Variants in SH3PXD2B observed in about 807,000 individuals in gnomAD.
SH3PXD2B encodes SH3 and PX domain-containing protein 2B.
A neutral mutation model predicts 73.1 loss-of-function variants in SH3PXD2B; 37 were observed. The observed-to-expected ratio is 0.51, with a 90% CI of 0.39 to 0.67. The LOEUF (loss-of-function observed/expected upper bound fraction) is 0.67, where lower values mean the gene tolerates loss of function less well. Among genes scored for constraint, SH3PXD2B ranks in the 30% least tolerant of loss-of-function variants. The pLI, the probability that SH3PXD2B is intolerant of heterozygous loss-of-function variation, is 0.00. For missense variants in SH3PXD2B, 1,053 were observed against 1,197.8 expected (o/e 0.88, Z 1.78); for synonymous variants, 457 against 480.5 (o/e 0.95, Z 0.64).
At chr5:172,325,735 A>G (rs916419918) in intron 12 of SH3PXD2B, among the ~76,000 whole-genome samples, 11 of 152,162 alleles carry the variant, frequency 7.2e-5, no homozygotes, top group Non-Finnish European at 1.3e-4. Context: ...CTCCTGGCCT[A>G]GTCACTGCTT....
intron 4 of SH3PXD2B, 97 bp from the exon 5 acceptor site, chr5:172,382,224 G>A: frequency 9.7e-7 from 1 of 1,025,768 alleles, no homozygotes; most frequent in Non-Finnish European, 1.4e-6. Flanking sequence ...GCTGAGGCAA[G>A]ATAATTGTTT....
rs1377873729 is a variant in SH3PXD2B, at chr5:172,335,789, TG to T, written c.*2579del. Reference sequence around the variant, plus strand: ...TGGCCACCCTGACCCACCCACTGCCTGGGGAAGTGTCTACCATTGTAGGAAA... The same window carrying T: ...TGGCCACCCTGACCCACCCACTGCCTGGGAAGTGTCTACCATTGTAGGAAA... On this transcript the variant is annotated 3_prime_UTR_variant, in exon 13 of 13. Coordinates refer to ENST00000311601, the MANE Select transcript of SH3PXD2B (RefSeq NM_001017995.3). 2 of 1,230,138 alleles carry T rather than the reference TG, an allele frequency of 1.6e-6. No homozygotes were observed. The highest frequency in any genetic ancestry group is 4.2e-5 in the Admixed American group (1 of 23,668). 76.2% of individuals were successfully genotyped at this position (1,230,138 alleles called of 1,614,324 possible). A position where few individuals can be genotyped will look rare whatever the true frequency, so the allele number is the denominator to read the frequency against.
At chr5:172,413,174 T>A (rs977426665) in intron 2 of SH3PXD2B, among the ~76,000 whole-genome samples, 19 of 152,250 alleles carry the variant, frequency 1.2e-4, no homozygotes, top group African/African-American at 4.3e-4. Context: ...GGGGCCATCA[T>A]GCGCAGCTGC....
intron 1 of SH3PXD2B, among the ~76,000 whole-genome samples, chr5:172,424,310 C>CTGA (rs150983411): frequency 0.024 from 3,588 of 152,238 alleles, 143 homozygotes; most frequent in African/African-American, 0.082. Flanking sequence ...CACAGTGTAA[C>CTGA]TGATGGTCAT....
chr5:172,421,065 TGAAAA>T lies in SH3PXD2B; in HGVS notation c.156+1346_156+1350del, dbSNP rs1465547401. On this transcript the variant is annotated intron_variant, in intron 2 of 12. Transcript: ENST00000311601. This position sits in a 1 kb window ranked among gnomAD's most constrained non-coding sequence, Gnocchi z 4.0. ...TCACTCGCAACAGAAGCATTCTGAC[TGAAAA>T]GAAGACTGTCACGTCAGGATGGAGA... 6.6e-6 allele frequency among the ~76,000 whole-genome samples: 1 copy of T among 152,216 alleles called. No homozygotes were observed. Among genetic ancestry groups the T allele is most frequent in the Non-Finnish European group, 1.5e-5 (1 of 68,040 alleles).
At chr5:172,364,199 C>T (rs942427514) in intron 6 of SH3PXD2B, among the ~76,000 whole-genome samples, 15 of 152,114 alleles carry the variant, frequency 9.9e-5, no homozygotes, top group Non-Finnish European at 1.8e-4. Flanking sequence ...CAGAGAGAAG[C>T]GGGCAGCTGG....
chr5:172,339,390 G>T lies in SH3PXD2B; in HGVS notation c.1715C>A (p.Ala572Asp). 6.2e-7 allele frequency: 1 copy of T among 1,614,200 alleles called. No homozygotes were observed. The highest frequency in any genetic ancestry group is 8.5e-7 in the Non-Finnish European group (1 of 1,180,040). Residue 572 changes from alanine (A) to aspartate (D), a missense_variant, in exon 13 of 13, where the codon GCC (alanine) becomes GAC (aspartate). Around this residue, in one of 2 missense-constraint regions of SH3PXD2B, gnomAD observed 587 missense variants for 590.7 expected, o/e 0.99. Coordinates refer to ENST00000311601, the MANE Select transcript of SH3PXD2B (RefSeq NM_001017995.3). The surrounding 1 kb of genome is among the most constrained non-coding windows in gnomAD (Gnocchi z 6.1). ...PMMPAKHIPPARDSRRPEPKP... is the reference protein window; with the variant it reads ...PMMPAKHIPPDRDSRRPEPKP... ...GGGCTCTGGCCTCCTGCTGTCCCGGGCTGGAGGGATGTGTTTGGCTGGCAT... is the reference window on the plus strand; with the variant it reads ...GGGCTCTGGCCTCCTGCTGTCCCGGTCTGGAGGGATGTGTTTGGCTGGCAT...
In SH3PXD2B at chr5:172,445,712, AACTCTGGCC is replaced by A. The variant is rs1759645062; in HGVS notation, c.75+8557_75+8565del. On this transcript the variant is annotated intron_variant, in intron 1 of 12. Coordinates refer to ENST00000311601, the MANE Select transcript of SH3PXD2B (RefSeq NM_001017995.3). The surrounding 1 kb of genome is among the most constrained non-coding windows in gnomAD (Gnocchi z 5.2). ...TGGGCATTCTGCATTTTCATTTGCT[AACTCTGGCC>A]ACCCTCAGCCCTGGGAAAGCCTGAG... Among the ~76,000 whole-genome samples, 1 of 152,206 alleles carries A rather than the reference AACTCTGGCC, an allele frequency of 6.6e-6. No homozygotes were observed. Among genetic ancestry groups the A allele is most frequent in the South Asian group, 2.1e-4 (1 of 4,834 alleles).
intron 2 of SH3PXD2B, among the ~76,000 whole-genome samples, chr5:172,417,787 T>C (rs1473314566): frequency 1.3e-5 from 2 of 152,224 alleles, no homozygotes; most frequent in Admixed American, 1.3e-4. Flanking sequence ...CCATCCCTTT[T>C]ACACTGAGAT....
chr5:172,345,714 G>T (rs1756978607), intron 12 of SH3PXD2B, among the ~76,000 whole-genome samples: 1 of 152,170 alleles, frequency 6.6e-6, no homozygotes, highest in Non-Finnish European at 1.5e-5. Context: ...GAGAGGAGAA[G>T]CAAGAACGGA....
At position 172,349,509 on chromosome 5, in the gene SH3PXD2B, T is replaced by C. The variant is rs575668970; in HGVS notation, c.1012+854A>G. On this transcript the variant is annotated intron_variant, in intron 10 of 12. Coordinates refer to ENST00000311601, the MANE Select transcript of SH3PXD2B (RefSeq NM_001017995.3). Reference sequence around the variant, plus strand: ...CACGAGGAGGCTTTGAAAAGCAAGATGGGAGAGGCACTGTGTTGGAGTAGA... The same window carrying C: ...CACGAGGAGGCTTTGAAAAGCAAGACGGGAGAGGCACTGTGTTGGAGTAGA... Among the ~76,000 whole-genome samples the C allele has an allele frequency of 2.8e-4, 43 of 152,268 alleles. 1 individual carries two copies. In the South Asian group the frequency reaches 8.9e-3, roughly 32 times the overall value.
intron 5 of SH3PXD2B, among the ~76,000 whole-genome samples, chr5:172,380,764 A>G (rs190882886): frequency 5.9e-5 from 9 of 152,344 alleles, no homozygotes. Context: ...TGCCTCTTAC[A>G]GTCTCCCTTC....
At chr5:172,428,963 T>C (rs1190529589) in intron 1 of SH3PXD2B, among the ~76,000 whole-genome samples, 2 of 152,170 alleles carry the variant, frequency 1.3e-5, no homozygotes, top group East Asian at 1.9e-4. Context: ...GCCCCTGCTA[T>C]AGGACTCCTT....
chr5:172,338,650 G>C lies in SH3PXD2B; in HGVS notation c.2455C>G (p.Arg819Gly), dbSNP rs752253034. Residue 819 changes from arginine (R) to glycine (G), a missense_variant, in exon 13 of 13, where the codon CGA (arginine) becomes GGA (glycine). Transcript: ENST00000311601. This position sits in a 1 kb window ranked among gnomAD's most constrained non-coding sequence, Gnocchi z 5.1. ...CATGGCCCCAGGCTGCCTTTGCCTC[G>C]CGTGTCATCCTGGCCCCCCAAAGAG... is the stretch of plus-strand genomic sequence containing the variant. ...SNSLGGQDDT[R>G]GKGSLGPWGT... 6.2e-7 allele frequency: 1 copy of C among 1,614,042 alleles called. No homozygotes were observed. Among genetic ancestry groups the C allele is most frequent in the East Asian group, 2.2e-5 (1 of 44,886 alleles).
intron 1 of SH3PXD2B, among the ~76,000 whole-genome samples, chr5:172,448,662 T>G (rs1759728408): frequency 6.6e-6 from 1 of 152,234 alleles, no homozygotes; most frequent in Admixed American, 6.5e-5. Flanking sequence ...GCAGCAGGGC[T>G]GGAGCACAGA....
chr5:172,416,696 C>CTTTTT lies in SH3PXD2B; in HGVS notation c.156+5715_156+5719dup, dbSNP rs202242720. On this transcript the variant is annotated intron_variant, in intron 2 of 12. Transcript: ENST00000311601. ...ACTGTGAGTCTCTCTCTCTCTCTCT[C>CTTTTT]TTTTTTTTTTTTTTTTTTTTTTTTT... 1.9e-4 allele frequency among the ~76,000 whole-genome samples: 12 copies of CTTTTT among 62,260 alleles called. 1 individual carries two copies. Among genetic ancestry groups the CTTTTT allele is most frequent in the Admixed American group, 2.1e-4 (1 of 4,778 alleles). 40.8% of individuals were successfully genotyped at this position (62,260 alleles called of 152,430 possible).
At position 172,335,038 on chromosome 5, in the gene SH3PXD2B, G is replaced by A. The variant is rs1020124177; in HGVS notation, c.*3331C>T. 21 of 985,320 alleles carry A rather than the reference G, an allele frequency of 2.1e-5. No homozygotes were observed. Among genetic ancestry groups the A allele is most frequent in the Non-Finnish European group, 2.5e-5 (21 of 829,964 alleles). The allele number at this position is 985,320 out of a possible 1,614,324, so 61.0% of individuals were successfully genotyped here. ...GTTTAAGCTGGAGCTCAGCTCTCCC[G>A]CAGTCTCAGCTGGGACGACATACAC... On this transcript the variant is annotated 3_prime_UTR_variant, in exon 13 of 13. Coordinates refer to ENST00000311601, the MANE Select transcript of SH3PXD2B (RefSeq NM_001017995.3).
At chr5:172,368,700 T>A (rs201941131) in intron 6 of SH3PXD2B, among the ~76,000 whole-genome samples, 757 of 22,336 alleles carry the variant, frequency 0.034, 174 homozygotes, top group African/African-American at 0.11. Flanking sequence ...ATATATAAAA[T>A]ATATATATAT....
intron 3 of SH3PXD2B, among the ~76,000 whole-genome samples, chr5:172,402,787 G>A (rs960816767): frequency 1.3e-5 from 2 of 152,238 alleles, no homozygotes; most frequent in Non-Finnish European, 1.5e-5. Flanking sequence ...ACCCAGCACC[G>A]GGGTGGCCCT....
Sources: gnomAD v4.1 joint callset for allele counts (sites outside exome capture counted in the v4.1 genomes callset) on GRCh38, gnomAD v4.1.1 for gene constraint, gnomAD v4.1.1 regional missense constraint, Gnocchi (gnomAD v3.1) non-coding constraint, MANE v1.5 for transcripts, NCBI Gene and HGNC (gene_info 2026-07-23, HGNC 2026-07-21) for gene names.